The following CSMD3 variants were observed in gnomAD, a reference collection of about 807,000 sequenced individuals.
CSMD3 encodes the protein CUB and Sushi multiple domains 3, also known as CUB and sushi domain-containing protein 3.
CSMD3 carries 177 observed loss-of-function variants against 435.2 expected under a neutral mutation model. The ratio of observed to expected loss-of-function variants is 0.41; its 90% CI spans 0.36 to 0.46. CSMD3 has a LOEUF of 0.46. CSMD3 is among the 20% of genes least tolerant of loss of function. The pLI is 0.34. For missense variants in CSMD3, 4,265 were observed against 4,504.6 expected (o/e 0.95, Z 1.52); for synonymous variants, 1,656 against 1,520.5 (o/e 1.09, Z -2.07).
At chr8:112,365,016 A>C (rs533255776) in intron 38 of CSMD3, among the ~76,000 whole-genome samples, 1 of 152,258 alleles carries the variant, frequency 6.6e-6, no homozygotes, top group African/African-American at 2.4e-5. Flanking sequence ...TAATACAAGT[A>C]ATGATGTAGC....
chr8:112,812,887 A>G (rs1405362869), intron 12 of CSMD3, among the ~76,000 whole-genome samples: 3 of 152,368 alleles, frequency 2.0e-5, no homozygotes, highest in South Asian at 4.1e-4. Flanking sequence ...TTGAAATAGT[A>G]TATAAAATAA....
chr8:112,747,466 A>T (rs1370017378), intron 13 of CSMD3, among the ~76,000 whole-genome samples: 6 of 151,932 alleles, frequency 3.9e-5, no homozygotes, highest in Non-Finnish European at 1.5e-5. Flanking sequence ...CAAATACGAA[A>T]GTTACTTTTT....
chr8:112,715,936 G>C (rs1367760802), intron 13 of CSMD3, among the ~76,000 whole-genome samples: 3 of 152,088 alleles, frequency 2.0e-5, no homozygotes, highest in East Asian at 3.8e-4. Flanking sequence ...AAAATAATAA[G>C]AGCTGTTTAT....
intron 38 of CSMD3, among the ~76,000 whole-genome samples, chr8:112,354,571 T>A (rs1222384958): frequency 1.3e-5 from 2 of 152,034 alleles, no homozygotes; most frequent in Non-Finnish European, 1.5e-5. Context: ...AGGCTGACAG[T>A]CAAATTAAGA....
At chr8:112,258,763 G>C (rs1268186412) in intron 61 of CSMD3, among the ~76,000 whole-genome samples, 1 of 152,110 alleles carries the variant, frequency 6.6e-6, no homozygotes, top group African/African-American at 2.4e-5. Context: ...TTGATGGCCT[G>C]GCACAGTGGC....
intron 10 of CSMD3, among the ~76,000 whole-genome samples, chr8:112,904,381 A>G (rs974681156): frequency 6.6e-6 from 1 of 151,488 alleles, no homozygotes; most frequent in Non-Finnish European, 1.5e-5. Flanking sequence ...CATCTTGTAC[A>G]TGACAAATAC....
chr8:113,239,540 T>C (rs555461078), intron 3 of CSMD3, among the ~76,000 whole-genome samples: 182 of 147,262 alleles, frequency 1.2e-3, no homozygotes, highest in Middle Eastern at 0.01. Context: ...CTATCATCTA[T>C]CTTATCAGTT....
chr8:112,386,560 C>A (rs903332365), intron 36 of CSMD3, among the ~76,000 whole-genome samples: 43 of 152,030 alleles, frequency 2.8e-4, no homozygotes, highest in African/African-American at 9.2e-4. Context: ...TGCAGTGGCG[C>A]GATCTTAGCT....
intron 32 of CSMD3, among the ~76,000 whole-genome samples, chr8:112,456,378 G>A (rs958887792): frequency 6.6e-6 from 1 of 152,052 alleles, no homozygotes; most frequent in Non-Finnish European, 1.5e-5. Flanking sequence ...GCAGCAGTTT[G>A]TGGAACTCAG....
intron 30 of CSMD3, among the ~76,000 whole-genome samples, chr8:112,496,071 A>C (rs11992329): frequency 6.6e-6 from 1 of 151,892 alleles, no homozygotes; most frequent in Non-Finnish European, 1.5e-5. Flanking sequence ...TCCGGTTCAC[A>C]CCGTTCTCCT....
At chr8:112,976,222 C>T in intron 6 of CSMD3, 74 bp from the exon 7 acceptor site, 1 of 1,490,390 alleles carries the variant, frequency 6.7e-7, no homozygotes, top group Non-Finnish European at 9.2e-7. Flanking sequence ...TAAATTTAAT[C>T]AATCATATTC....
At chr8:112,285,529 TTTGA>T in intron 58 of CSMD3, among the ~76,000 whole-genome samples, 1 of 152,012 alleles carries the variant, frequency 6.6e-6, no homozygotes, top group East Asian at 1.9e-4. Context: ...CTCAGGAAAG[TTTGA>T]TTGGGAATTA....
chr8:112,748,914 A>C (rs2113664), intron 13 of CSMD3, among the ~76,000 whole-genome samples: 57,411 of 151,978 alleles, frequency 0.38, 12,163 homozygotes, highest in African/African-American at 0.58. Context: ...AGGAATCATC[A>C]TACTGCTTTT....
chr8:112,588,744 A>T (rs928881329), intron 22 of CSMD3, among the ~76,000 whole-genome samples: 1 of 152,124 alleles, frequency 6.6e-6, no homozygotes, highest in Non-Finnish European at 1.5e-5. Flanking sequence ...GAAGTTTGTT[A>T]TACCTTTAAT....
At chr8:112,864,917 T>C (rs562199785) in intron 10 of CSMD3, among the ~76,000 whole-genome samples, 98 of 152,336 alleles carry the variant, frequency 6.4e-4, no homozygotes, top group African/African-American at 2.0e-3. Context: ...TTTGCTTATT[T>C]CATTCACATG....
chr8:112,791,914 G>A (rs563666572), intron 13 of CSMD3, among the ~76,000 whole-genome samples: 1 of 152,172 alleles, frequency 6.6e-6, no homozygotes, highest in East Asian at 1.9e-4. Flanking sequence ...CCACTCTAGT[G>A]GGTATGTAGT....
chr8:112,536,899 C>T (rs1321935885), intron 27 of CSMD3, among the ~76,000 whole-genome samples: 1 of 151,884 alleles, frequency 6.6e-6, no homozygotes, highest in East Asian at 1.9e-4. Context: ...AATCATCATT[C>T]TCAGTAAACT....
intron 38 of CSMD3, among the ~76,000 whole-genome samples, chr8:112,364,574 A>C (rs1207285506): frequency 6.6e-6 from 1 of 152,068 alleles, no homozygotes; most frequent in African/African-American, 2.4e-5. Flanking sequence ...GTGTCTCTAC[A>C]AATTTAAAGA....
intron 17 of CSMD3, among the ~76,000 whole-genome samples, chr8:112,661,033 C>T (rs570292705): frequency 1.5e-4 from 23 of 152,210 alleles, no homozygotes; most frequent in East Asian, 7.7e-4. Flanking sequence ...TTCTGATCTA[C>T]GCACAAGACT....
Sources: allele counts gnomAD v4.1 joint callset (sites outside exome capture counted in the v4.1 genomes callset), GRCh38; gene constraint gnomAD v4.1.1; transcripts MANE v1.5; gene names NCBI Gene and HGNC (gene_info 2026-07-23, HGNC 2026-07-21).